TBPL1: variants seen among roughly 807,000 people sequenced by gnomAD.
The protein encoded by TBPL1 is TATA-box binding protein like 1, also known as TATA box-binding protein-like 1.
Under a neutral mutation model 22.1 loss-of-function variants are expected in TBPL1, and 4 were observed. The ratio of observed to expected loss-of-function variants is 0.18; its 90% CI spans 0.09 to 0.41. The LOEUF is 0.41. Ranked by LOEUF, TBPL1 falls within the 10% of genes least tolerant of loss-of-function variation. TBPL1 has a pLI of 1.00. For synonymous variants in TBPL1, 64 were observed against 71.0 expected, an observed-to-expected ratio of 0.90 and a Z score of 0.50; for missense variants, 115 against 222.3, an observed-to-expected ratio of 0.52 and a Z score of 3.07.
chr6:133,979,175 C>T (rs1478001882), intron 1 of TBPL1, among the ~76,000 whole-genome samples: 2 of 152,162 alleles, frequency 1.3e-5, no homozygotes, highest in African/African-American at 4.8e-5. Context: ...TCCTTGAGGA[C>T]AAAAGACTTT....
chr6:133,961,951 T>C (rs1159968684), intron 1 of TBPL1, among the ~76,000 whole-genome samples: 1 of 152,146 alleles, frequency 6.6e-6, no homozygotes, highest in Admixed American at 6.5e-5. Context: ...TGCCTGACCA[T>C]TTTGTTCTGA....
At chr6:133,985,403 T>G (rs1189389813) in intron 6 of TBPL1, among the ~76,000 whole-genome samples, 1 of 147,250 alleles carries the variant, frequency 6.8e-6, no homozygotes, top group Non-Finnish European at 1.5e-5. Context: ...TCATGATATC[T>G]TACATTTAAA....
intron 1 of TBPL1, among the ~76,000 whole-genome samples, chr6:133,966,234 G>A (rs1365094857): frequency 6.6e-6 from 1 of 152,152 alleles, no homozygotes; most frequent in African/African-American, 2.4e-5. Flanking sequence ...CAAGGCTGGG[G>A]TACAGAAATA....
intron 1 of TBPL1, among the ~76,000 whole-genome samples, chr6:133,976,615 T>C (rs1776316985): frequency 6.6e-6 from 1 of 152,218 alleles, no homozygotes; most frequent in Non-Finnish European, 1.5e-5. Context: ...TAGTTAGACC[T>C]GTTTAACCCA....
At chr6:133,985,222 C>T (rs1405388224) in intron 6 of TBPL1, among the ~76,000 whole-genome samples, 4 of 138,436 alleles carry the variant, frequency 2.9e-5, no homozygotes, top group Non-Finnish European at 6.1e-5. Context: ...GAGGTTGCAG[C>T]GAGCTGAGAT....
intron 1 of TBPL1, among the ~76,000 whole-genome samples, chr6:133,975,912 T>C (rs1055711193): frequency 1.3e-5 from 2 of 152,206 alleles, no homozygotes; most frequent in Non-Finnish European, 2.9e-5. Context: ...CCTTTTTGTA[T>C]ATCTTAAATA....
Position 133,981,222 on chromosome 6 carries a change from C to T in TBPL1, c.135+962C>T, listed in dbSNP as rs555043470. ...TCTTGACCTTGTGATCCACCCACCT[C>T]AGCCTTCCAAAGTACTGGGATTATA... is the stretch of plus-strand genomic sequence containing the variant. On this transcript the variant is annotated intron_variant, in intron 2 of 6. Coordinates refer to ENST00000237264, the MANE Select transcript of TBPL1 (RefSeq NM_004865.4). 2.0e-5 allele frequency among the ~76,000 whole-genome samples: 3 copies of T among 152,246 alleles called. No homozygotes were observed. The South Asian group carries it at 6.3e-4, about 32-fold the overall frequency.
chr6:133,957,453 C>T (rs1034879707), intron 1 of TBPL1, among the ~76,000 whole-genome samples: 1 of 152,198 alleles, frequency 6.6e-6, no homozygotes, highest in African/African-American at 2.4e-5. Flanking sequence ...TTTTTTAACT[C>T]ACTAGGTGAG....
intron 1 of TBPL1, among the ~76,000 whole-genome samples, chr6:133,970,574 CAT>C (rs989746475): frequency 6.6e-5 from 10 of 151,262 alleles, no homozygotes; most frequent in African/African-American, 2.2e-4. Flanking sequence ...AATGAACACT[CAT>C]ATATCTGTCA....
intron 1 of TBPL1, among the ~76,000 whole-genome samples, chr6:133,957,825 C>T (rs1775953674): frequency 6.6e-6 from 1 of 152,202 alleles, no homozygotes; most frequent in Non-Finnish European, 1.5e-5. Flanking sequence ...GCATAAAGCA[C>T]TTAGAACTTT....
chr6:133,960,377 G>A (rs943165142), intron 1 of TBPL1, among the ~76,000 whole-genome samples: 15 of 150,136 alleles, frequency 1.0e-4, no homozygotes, highest in African/African-American at 3.7e-4. Context: ...ATGGAAATCT[G>A]TAGGTCTCAG....
At chr6:133,957,907 G>T (rs1395972023) in intron 1 of TBPL1, among the ~76,000 whole-genome samples, 2 of 152,242 alleles carry the variant, frequency 1.3e-5, no homozygotes, top group African/African-American at 2.4e-5. Flanking sequence ...AAGGTGAACT[G>T]TTGGACCACT....
At chr6:133,965,243 G>A (rs968745252) in intron 1 of TBPL1, among the ~76,000 whole-genome samples, 2 of 152,134 alleles carry the variant, frequency 1.3e-5, no homozygotes, top group Non-Finnish European at 2.9e-5. Flanking sequence ...AAACTTCTCA[G>A]TAAAGAGATG....
chr6:133,961,208 C>T (rs1354435632), intron 1 of TBPL1, among the ~76,000 whole-genome samples: 1 of 152,124 alleles, frequency 6.6e-6, no homozygotes, highest in Non-Finnish European at 1.5e-5. Flanking sequence ...CTCAGTTGTT[C>T]TTAAGGTATT....
rs192500395 is a variant in TBPL1 at position 133,971,465 on chromosome 6, T to G, written c.-44-8617T>G. 2.6e-3 allele frequency among the ~76,000 whole-genome samples: 398 copies of G among 152,330 alleles called. 3 individuals carry two copies. The highest frequency in any genetic ancestry group is 9.1e-3 in the African/African-American group (378 of 41,576). ...TTGCTGGATCATGTGGTAGTTCTAT[T>G]TTTAATTTTTTGAGGAACTTCTATA... On this transcript the variant is annotated intron_variant, in intron 1 of 6. Transcript: ENST00000237264.
intron 6 of TBPL1, 96 bp from the exon 7 acceptor site, chr6:133,986,865 A>G (rs369960515): frequency 6.9e-5 from 54 of 777,816 alleles, no homozygotes; most frequent in African/African-American, 6.3e-4. Flanking sequence ...TTGATATTCT[A>G]TACCACTTGA....
chr6:133,970,203 C>G (rs527841916), intron 1 of TBPL1, among the ~76,000 whole-genome samples: 13 of 152,340 alleles, frequency 8.5e-5, no homozygotes, highest in African/African-American at 2.9e-4. Flanking sequence ...AACAACTACT[C>G]TTTTTCCATT....
intron 1 of TBPL1, among the ~76,000 whole-genome samples, chr6:133,960,594 G>A (rs1371390324): frequency 6.6e-6 from 1 of 152,018 alleles, no homozygotes; most frequent in Non-Finnish European, 1.5e-5. Context: ...TTTGGTTTTG[G>A]CCTATTAAAA....
intron 1 of TBPL1, among the ~76,000 whole-genome samples, chr6:133,977,777 A>AC (rs1776339622): frequency 6.8e-6 from 1 of 147,316 alleles, no homozygotes; most frequent in African/African-American, 2.6e-5. Flanking sequence ...TCACAGCGTC[A>AC]GGGGCCAGGC....
Sources: allele counts gnomAD v4.1 joint callset (sites outside exome capture counted in the v4.1 genomes callset), GRCh38; gene constraint gnomAD v4.1.1; transcripts MANE v1.5; gene names NCBI Gene and HGNC (gene_info 2026-07-23, HGNC 2026-07-21).